HS1BP3: variants seen among roughly 807,000 people sequenced by gnomAD.
The protein encoded by HS1BP3 is HCLS1 binding protein 3.
In HS1BP3, 32 loss-of-function variants were observed where a neutral mutation model predicts 33.5. The ratio of observed to expected loss-of-function variants is 0.95; its 90% confidence interval spans 0.72 to 1.28. The LOEUF (loss-of-function observed/expected upper bound fraction) is 1.28, where lower values mean the gene tolerates loss of function less well. Among genes scored for constraint, HS1BP3 ranks in the 50% most tolerant of loss-of-function variants. The pLI, the probability that HS1BP3 is intolerant of heterozygous loss-of-function variation, is 0.00. For synonymous variants in HS1BP3, 187 were observed against 209.2 expected (o/e 0.89, Z 0.92); for missense variants, 486 against 502.3 (o/e 0.97, Z 0.31).
chr2:20,635,034 G>A (rs1695081332), intron 4 of HS1BP3: 1 of 151,888 alleles, frequency 6.6e-6, no homozygotes, highest in Non-Finnish European at 1.5e-5. Context: ...GGAGGAGTGG[G>A]CCCTGAGGGC....
At chr2:20,592,897 T>C (rs1415922444) in intron 3 of HS1BP3, 2 of 152,220 alleles carry the variant, frequency 1.3e-5, no homozygotes, top group African/African-American at 4.8e-5. Flanking sequence ...TAAAGTCGCA[T>C]TCACACGTTC....
intron 5 of HS1BP3, among the ~76,000 whole-genome samples, chr2:20,577,757 G>A (rs887325697): frequency 7.2e-5 from 11 of 152,346 alleles, no homozygotes; most frequent in Middle Eastern, 3.4e-3. Flanking sequence ...AGGCTAGGTC[G>A]CATTCTTGGA....
At chr2:20,558,354 C>T (rs994630435), downstream of HS1BP3, among the ~76,000 whole-genome samples, 1 of 152,216 alleles carries the variant, frequency 6.6e-6, no homozygotes, top group Middle Eastern at 3.2e-3. Context: ...TGCGGCCCCT[C>T]TCTGCCTCCT....
At chr2:20,571,838 C>T (rs999444126) in intron 5 of HS1BP3, among the ~76,000 whole-genome samples, 1 of 152,234 alleles carries the variant, frequency 6.6e-6, no homozygotes, top group African/African-American at 2.4e-5. Context: ...TCCCCAGTGC[C>T]ACTGCCAAAG....
rs965726899 is a variant in HS1BP3, at chr2:20,619,383, T to C, written c.921-138A>G. On this transcript the variant is annotated intron_variant, in intron 6 of 6. Transcript: ENST00000304031. ...CCTCGGCCAGGTCAAGGCCCCGCCC[T>C]GCTCTGCCCCATTCCACTCTGGCCC... is the stretch of plus-strand genomic sequence containing the variant. 4 of 720,598 alleles carry C rather than the reference T, an allele frequency of 5.6e-6. No individual in the cohort carries two copies. The African/African-American group carries it at 7.1e-5, about 13-fold the overall frequency. The allele number at this position is 720,598 out of a possible 1,614,324, so 44.6% of individuals were successfully genotyped here.
chr2:20,606,170 T>C (rs1402254661), intron 2 of HS1BP3: 2 of 185,074 alleles, frequency 1.1e-5, no homozygotes, highest in Non-Finnish European at 2.2e-5. Context: ...GGGTATCTCA[T>C]TGTGGTTTTG....
intron 2 of HS1BP3, among the ~76,000 whole-genome samples, chr2:20,642,566 C>T (rs565442564): frequency 2.0e-5 from 3 of 152,344 alleles, no homozygotes; most frequent in Admixed American, 6.5e-5. Flanking sequence ...CGGTGGGGGC[C>T]GGGCGCCCCC....
At chr2:20,579,349 G>A (rs976098758) in intron 5 of HS1BP3, among the ~76,000 whole-genome samples, 3 of 152,260 alleles carry the variant, frequency 2.0e-5, no homozygotes, top group Admixed American at 6.5e-5. Context: ...TTAGTGGGCC[G>A]TGAGCCTACC....
chr2:20,580,289 C>G (rs767932815), intron 5 of HS1BP3, among the ~76,000 whole-genome samples: 1 of 152,182 alleles, frequency 6.6e-6, no homozygotes, highest in African/African-American at 2.4e-5. Context: ...GAGGCCGAGG[C>G]GGGTGGATTG....
Position 20,577,790 on chromosome 2 carries a change from G to C in HS1BP3, c.303-17275C>G, listed in dbSNP as rs1057148206. Among the ~76,000 whole-genome samples, 7 of 152,168 alleles carry C rather than the reference G, an allele frequency of 4.6e-5. 1 individual carries two copies. Among genetic ancestry groups the C allele is most frequent in the African/African-American group, 1.7e-4 (7 of 41,422 alleles). On this transcript the variant is annotated intron_variant, in intron 5 of 5. Coordinates refer to the HS1BP3 transcript ENST00000446825. Reference sequence around the variant, plus strand: ...GGAGCAGCAGATTAAAGTATGAGGGGGTATTGTCTAAGCTACACTCCCCGG... The same window carrying C: ...GGAGCAGCAGATTAAAGTATGAGGGCGTATTGTCTAAGCTACACTCCCCGG...
chr2:20,651,013 G>T lies in HS1BP3; in HGVS notation c.32+19C>A. 8.1e-7 allele frequency: 1 copy of T among 1,237,872 alleles called. No individual in the cohort carries two copies. The highest frequency in any genetic ancestry group is 1.0e-6 in the Non-Finnish European group (1 of 991,670). The allele number at this position is 1,237,872 out of a possible 1,614,324, so 76.7% of individuals were successfully genotyped here. A position where few individuals can be genotyped will look rare whatever the true frequency, so the allele number is the denominator to read the frequency against. ...CGGACTGCGAGCTGTGCGGTGTGGG[G>T]CGCGGGGGTCTGGCTCACCTGGAGG... is the stretch of plus-strand genomic sequence containing the variant. On this transcript the variant is annotated intron_variant, in intron 1 of 6. Coordinates refer to ENST00000304031, the MANE Select transcript of HS1BP3 (RefSeq NM_022460.4).
chr2:20,566,586 G>A (rs1403297873), intron 5 of HS1BP3, among the ~76,000 whole-genome samples: 2 of 151,842 alleles, frequency 1.3e-5, no homozygotes, highest in Admixed American at 1.3e-4. Flanking sequence ...GGCCAGGGAT[G>A]GAGTTTGTCA....
chr2:20,636,752 T>G (rs140168676), intron 4 of HS1BP3: 3 of 152,240 alleles, frequency 2.0e-5, no homozygotes, highest in Admixed American at 6.5e-5. Context: ...TACTATGGGT[T>G]GTAGCAAGTA....
chr2:20,649,005 C>T lies in HS1BP3; in HGVS notation c.32+2027G>A, dbSNP rs1211009848. On this transcript the variant is annotated intron_variant, in intron 1 of 6. Transcript: ENST00000304031. ...CCCAAACATTTCTCACCCTCACGGC[C>T]GCCATCACCCCGGGCCAAGCCACCA... is the stretch of plus-strand genomic sequence containing the variant. 2.6e-5 allele frequency among the ~76,000 whole-genome samples: 4 copies of T among 152,208 alleles called. No homozygotes were observed. The South Asian group carries it at 6.2e-4, about 24-fold the overall frequency.
chr2:20,638,786 C>CAG, intron 3 of HS1BP3, 134 bp from the exon 4 acceptor site: 1 of 684,526 alleles, frequency 1.5e-6, no homozygotes, highest in South Asian at 1.9e-5. Flanking sequence ...CCAAACTCGT[C>CAG]CCTCCTGGGA....
Position 20,623,949 on chromosome 2 carries a change from A to G in HS1BP3, c.867T>C (p.Ser289=), listed in dbSNP as rs1694685967. The G allele has an allele frequency of 3.1e-6, 5 of 1,612,388 alleles. 1 individual carries two copies. Among genetic ancestry groups the G allele is most frequent in the East Asian group, 4.5e-5 (2 of 44,844 alleles). Reference sequence around the variant, plus strand: ...GGCTGAGGCTGGGTGTGGGCCCTCCACTCTCACAGGCGGCTGGCAGCAGGA... The same window carrying G: ...GGCTGAGGCTGGGTGTGGGCCCTCCGCTCTCACAGGCGGCTGGCAGCAGGA... The part of the protein sequence containing the change: ...DSLLLPAACE[S]GGPTPSLSHR... Residue 289 remains serine (S), a synonymous_variant, in exon 6 of 7, where the codon AGT becomes AGC. Transcript: ENST00000304031.
chr2:20,632,459 C>T (rs987206648), intron 4 of HS1BP3, among the ~76,000 whole-genome samples: 18 of 152,178 alleles, frequency 1.2e-4, no homozygotes, highest in African/African-American at 4.1e-4. Context: ...TGGACATGGC[C>T]TGGGGAAAAA....
At chr2:20,623,001 G>A (rs61478003) in intron 6 of HS1BP3, 2,120 of 152,800 alleles carry the variant, frequency 0.014, 39 homozygotes, top group African/African-American at 0.046. Flanking sequence ...CACATAAGCC[G>A]TTCCTGGAAA....
chr2:20,614,190 A>G (rs1215129136), downstream of HS1BP3, among the ~76,000 whole-genome samples: 1 of 152,236 alleles, frequency 6.6e-6, no homozygotes, highest in East Asian at 1.9e-4. Flanking sequence ...CCCAGAAGCC[A>G]GGACAAAACA....
Sources: allele counts gnomAD v4.1 joint callset (sites outside exome capture counted in the v4.1 genomes callset), GRCh38; gene constraint gnomAD v4.1.1; transcripts MANE v1.5; gene names NCBI Gene and HGNC (gene_info 2026-07-23, HGNC 2026-07-21).